NIBAN1: variants seen among roughly 807,000 people sequenced by gnomAD.
The protein encoded by NIBAN1 is niban apoptosis regulator 1.
A neutral mutation model predicts 75.1 loss-of-function variants in NIBAN1; 81 were observed. The observed-to-expected ratio is 1.08, with a 90% confidence interval of 0.90 to 1.30. NIBAN1 has a LOEUF of 1.30. NIBAN1 is among the 50% of genes most tolerant of loss of function. NIBAN1 has a pLI of 0.00. For missense variants in NIBAN1, 1,133 were observed against 1,128.1 expected (o/e 1.00, Z -0.06); for synonymous variants, 436 against 424.8 (o/e 1.03, Z -0.32).
chr1:184,964,850 C>T (rs1244180476), intron 1 of NIBAN1, among the ~76,000 whole-genome samples: 1 of 152,176 alleles, frequency 6.6e-6, no homozygotes. Flanking sequence ...TTTCACCGTT[C>T]AAAAACTTTA....
intron 1 of NIBAN1, among the ~76,000 whole-genome samples, chr1:184,970,028 G>C (rs376986848): frequency 6.6e-6 from 1 of 151,954 alleles, no homozygotes. Flanking sequence ...AACTACCTGG[G>C]CATGGTGGCA....
At chr1:184,919,357 A>G (rs1041550283) in intron 1 of NIBAN1, among the ~76,000 whole-genome samples, 2 of 152,282 alleles carry the variant, frequency 1.3e-5, no homozygotes, top group African/African-American at 4.8e-5. Context: ...TCCAAATCCC[A>G]TGTGAAGCTT....
chr1:184,870,942 A>C (rs1349816833), intron 5 of NIBAN1, among the ~76,000 whole-genome samples: 2 of 152,210 alleles, frequency 1.3e-5, no homozygotes, highest in Non-Finnish European at 2.9e-5. Flanking sequence ...CAAATCTCAG[A>C]AAGTGTCCTT....
chr1:184,872,513 C>G (rs534632467), intron 5 of NIBAN1, among the ~76,000 whole-genome samples: 1 of 152,242 alleles, frequency 6.6e-6, no homozygotes, highest in South Asian at 2.1e-4. Flanking sequence ...CGAGACCAGC[C>G]TGACCAACAT....
chr1:184,914,297 G>T (rs895872148), intron 1 of NIBAN1, among the ~76,000 whole-genome samples: 2 of 152,182 alleles, frequency 1.3e-5, no homozygotes, highest in African/African-American at 4.8e-5. Context: ...TTCCTTGAGG[G>T]AATATAACGG....
intron 1 of NIBAN1, among the ~76,000 whole-genome samples, chr1:184,939,743 A>G (rs1158086498): frequency 1.3e-5 from 2 of 152,174 alleles, no homozygotes; most frequent in Admixed American, 1.3e-4. Context: ...GGCTAGGATT[A>G]CAAGGAGTAA....
intron 5 of NIBAN1, among the ~76,000 whole-genome samples, chr1:184,854,279 G>A (rs1355940118): frequency 1.6e-4 from 25 of 152,118 alleles, no homozygotes; most frequent in Admixed American, 1.6e-3. Flanking sequence ...ATGAAAGAGA[G>A]CATGCCACTG....
intron 1 of NIBAN1, among the ~76,000 whole-genome samples, chr1:184,939,374 G>A (rs530980341): frequency 6.6e-6 from 1 of 152,282 alleles, no homozygotes; most frequent in Admixed American, 6.5e-5. Flanking sequence ...CAAGGCCAAG[G>A]CTTCTCCCCT....
rs1653746956 is a variant in NIBAN1, at chr1:184,793,361, GC to G, written c.*1615del. 1 of 152,128 alleles carries G rather than the reference GC, an allele frequency of 6.6e-6. No individual in the cohort carries two copies. The highest frequency in any genetic ancestry group is 2.4e-5 in the African/African-American group (1 of 41,400). The allele number at this position is 152,128 out of a possible 1,614,324, so 9.4% of individuals were successfully genotyped here. A position where few individuals can be genotyped will look rare whatever the true frequency, so the allele number is the denominator to read the frequency against. On this transcript the variant is annotated 3_prime_UTR_variant, in exon 14 of 14. Coordinates refer to ENST00000367511, the MANE Select transcript of NIBAN1 (RefSeq NM_052966.4). ...GCTTGAAATCAGGAGTTTGAGACCA[GC>G]CTGGCCAACATGGTGAAAACCCATC...
chr1:184,888,431 C>A (rs1277216946), intron 4 of NIBAN1, among the ~76,000 whole-genome samples: 1 of 152,164 alleles, frequency 6.6e-6, no homozygotes, highest in Non-Finnish European at 1.5e-5. Context: ...ATTTAAAAAG[C>A]CTCAACAAAC....
chr1:184,929,716 C>A (rs1657774147), intron 1 of NIBAN1, among the ~76,000 whole-genome samples: 1 of 151,968 alleles, frequency 6.6e-6, no homozygotes, highest in Admixed American at 6.6e-5. Context: ...TGGTTTTTTT[C>A]TTAATGTAAC....
intron 1 of NIBAN1, among the ~76,000 whole-genome samples, chr1:184,901,796 G>GA (rs1656963468): frequency 6.6e-6 from 1 of 152,096 alleles, no homozygotes; most frequent in Admixed American, 6.5e-5. Context: ...TGATATATGA[G>GA]AAAAATGCTT....
intron 1 of NIBAN1, among the ~76,000 whole-genome samples, chr1:184,945,159 G>A (rs1571594552): frequency 6.6e-6 from 1 of 152,318 alleles, no homozygotes; most frequent in South Asian, 2.1e-4. Context: ...ACTAAAAGCA[G>A]AAAGTCTGGC....
intron 1 of NIBAN1, among the ~76,000 whole-genome samples, chr1:184,909,921 A>G (rs866525783): frequency 5.3e-5 from 8 of 152,336 alleles, no homozygotes; most frequent in Admixed American, 3.3e-4. Context: ...AATGTATGTT[A>G]GTGAAAAATT....
At chr1:184,878,502 T>C (rs920872753) in intron 5 of NIBAN1, among the ~76,000 whole-genome samples, 7 of 152,202 alleles carry the variant, frequency 4.6e-5, no homozygotes, top group Non-Finnish European at 7.3e-5. Context: ...AAATATTTTA[T>C]CTTCAGAGCA....
At chr1:184,798,522 T>A (rs1316814055) in intron 12 of NIBAN1, among the ~76,000 whole-genome samples, 3 of 152,080 alleles carry the variant, frequency 2.0e-5, no homozygotes, top group African/African-American at 4.8e-5. Context: ...CAGCAGTGAT[T>A]TTTTTTTATC....
intron 1 of NIBAN1, among the ~76,000 whole-genome samples, chr1:184,925,284 T>C (rs1187601035): frequency 2.6e-5 from 4 of 152,176 alleles, no homozygotes; most frequent in Non-Finnish European, 5.9e-5. Context: ...CCCTTTATTT[T>C]CAGCCTATGT....
Position 184,803,577 on chromosome 1 carries a change from C to G in NIBAN1, c.1554+8G>C, listed in dbSNP as rs550818253. On this transcript the variant is annotated splice_region_variant and intron_variant, in intron 12 of 13. Coordinates refer to ENST00000367511, the MANE Select transcript of NIBAN1 (RefSeq NM_052966.4). ...GAGCAAGCTCTTTAGGGTAACTCAT[C>G]CCCTTACTGGTTTGCATGTGGACGC... The G allele has an allele frequency of 1.2e-6, 2 of 1,609,112 alleles. No homozygotes were observed. The highest frequency in any genetic ancestry group is 1.3e-5 in the African/African-American group (1 of 74,792).
intron 1 of NIBAN1, 93 bp downstream of exon 1, chr1:184,974,209 G>C: frequency 7.7e-7 from 1 of 1,291,394 alleles, no homozygotes; most frequent in Non-Finnish European, 1.0e-6. Flanking sequence ...ACAGGGAGAG[G>C]GCCCGGGGCG....
Sources: gnomAD v4.1 joint callset for allele counts (sites outside exome capture counted in the v4.1 genomes callset) on GRCh38, gnomAD v4.1.1 for gene constraint, MANE v1.5 for transcripts, NCBI Gene and HGNC (gene_info 2026-07-23, HGNC 2026-07-21) for gene names.